The following ADAMTS16 variants were observed in gnomAD, a reference collection of about 807,000 sequenced individuals.
The protein encoded by ADAMTS16 is ADAM metallopeptidase with thrombospondin type 1 motif 16, also known as A disintegrin and metalloproteinase with thrombospondin motifs 16.
A neutral mutation model predicts 145.8 loss-of-function variants in ADAMTS16; 94 were observed. The ratio of observed to expected loss-of-function variants is 0.64; its 90% CI spans 0.55 to 0.77. The LOEUF (loss-of-function observed/expected upper bound fraction) is 0.77, where lower values mean the gene tolerates loss of function less well. Among genes scored for constraint, ADAMTS16 ranks in the 30% least tolerant of loss-of-function variants. The probability of loss-of-function intolerance (pLI) is 0.00; values close to 1 mark genes in which losing one functional copy is unlikely to be tolerated. For missense variants in ADAMTS16, 1,585 were observed against 1,591.5 expected (o/e 1.00, Z 0.07); for synonymous variants, 659 against 604.3 (o/e 1.09, Z -1.33).
chr5:5,247,332 T>A (rs915582884), intron 17 of ADAMTS16, among the ~76,000 whole-genome samples: 1 of 152,084 alleles, frequency 6.6e-6, no homozygotes, highest in Non-Finnish European at 1.5e-5. Flanking sequence ...TAAGTCCCTA[T>A]AAATTACAAA....
chr5:5,144,680 C>T (rs563546675), intron 2 of ADAMTS16, among the ~76,000 whole-genome samples: 11 of 152,268 alleles, frequency 7.2e-5, no homozygotes, highest in South Asian at 2.1e-4. Flanking sequence ...ATATCAGCAG[C>T]GTTTGAAAGA....
chr5:5,173,992 C>G (rs1014522437), intron 3 of ADAMTS16, among the ~76,000 whole-genome samples: 8 of 152,160 alleles, frequency 5.3e-5, no homozygotes, highest in Admixed American at 3.3e-4. Flanking sequence ...AACGTAATTA[C>G]AGTATTATAA....
chr5:5,143,043 C>T, intron 2 of ADAMTS16, among the ~76,000 whole-genome samples: 1 of 152,188 alleles, frequency 6.6e-6, no homozygotes, highest in East Asian at 1.9e-4. Flanking sequence ...ACACCTTATA[C>T]AGAATCTAAC....
Position 5,292,057 on chromosome 5 carries a change from T to C in ADAMTS16, c.2790-11211T>C, listed in dbSNP as rs143856276. 2.0e-4 allele frequency among the ~76,000 whole-genome samples: 30 copies of C among 152,242 alleles called. 1 individual carries two copies. In the East Asian group the frequency reaches 5.8e-3, roughly 29 times the overall value. ...ATTCTGTGGACAGACAGAATGGCCC[T>C]CTCTAATGGAAATGAGGCTCTGGTC... is the stretch of plus-strand genomic sequence containing the variant. On this transcript the variant is annotated intron_variant, in intron 18 of 22. Transcript: ENST00000274181.
intron 21 of ADAMTS16, among the ~76,000 whole-genome samples, chr5:5,314,078 G>T (rs561912864): frequency 7.9e-5 from 12 of 152,238 alleles, no homozygotes; most frequent in South Asian, 2.1e-4. Context: ...GTGGACAGCA[G>T]AGGTGTCTGT....
intron 11 of ADAMTS16, among the ~76,000 whole-genome samples, chr5:5,230,572 T>C (rs1579326904): frequency 6.6e-6 from 1 of 152,220 alleles, no homozygotes; most frequent in Non-Finnish European, 1.5e-5. Flanking sequence ...TATTAAATGT[T>C]GAGGCAGGAC....
intron 19 of ADAMTS16, 32 bp downstream of exon 19, chr5:5,303,501 C>T (rs11134110): frequency 0.34 from 549,402 of 1,605,846 alleles, 98,566 homozygotes; most frequent in East Asian, 0.54. Flanking sequence ...TGGGTGGCAG[C>T]AGGGCCCCTG....
At chr5:5,169,078 A>G (rs1425418565) in intron 3 of ADAMTS16, among the ~76,000 whole-genome samples, 3 of 151,916 alleles carry the variant, frequency 2.0e-5, no homozygotes, top group African/African-American at 7.3e-5. Flanking sequence ...CTGGCTTGGA[A>G]ACTCAGGTTG....
rs933287246 is a variant in ADAMTS16 at position 5,317,845 on chromosome 5, A to G, written c.3412-289A>G. On this transcript the variant is annotated intron_variant, in intron 21 of 22. Coordinates refer to ENST00000274181, the MANE Select transcript of ADAMTS16 (RefSeq NM_139056.4). This position sits in a 1 kb window ranked among gnomAD's most constrained non-coding sequence, Gnocchi z 4.5. The stretch of plus-strand genomic sequence containing the variant: ...CGCTCAAGGCTCAAGGCTGTCTTCT[A>G]TCTGAAAACAGGAAGGGTTCCAGGA... Among the ~76,000 whole-genome samples, 2 of 117,756 alleles carry G rather than the reference A, an allele frequency of 1.7e-5. No homozygotes were observed. The highest frequency in any genetic ancestry group is 4.1e-5 in the Non-Finnish European group (2 of 49,186). The allele number at this position is 117,756 out of a possible 152,430, so 77.3% of individuals were successfully genotyped here. A position where few individuals can be genotyped will look rare whatever the true frequency, so the allele number is the denominator to read the frequency against.
At chr5:5,304,881 G>C (rs1739963621) in intron 20 of ADAMTS16, among the ~76,000 whole-genome samples, 3 of 151,874 alleles carry the variant, frequency 2.0e-5, no homozygotes, top group African/African-American at 4.8e-5. Context: ...GAAAATAAGC[G>C]ATGTGGGCTG....
intron 2 of ADAMTS16, 91 bp downstream of exon 2, chr5:5,140,857 C>T (rs270206): frequency 0.72 from 927,594 of 1,287,530 alleles, 335,032 homozygotes; most frequent in East Asian, 0.83. Context: ...TGAATGTTCA[C>T]GACTCTGTGG....
chr5:5,319,215 G>A lies in ADAMTS16; in HGVS notation c.*77G>A, dbSNP rs970522079. 1.2e-5 allele frequency: 13 copies of A among 1,077,944 alleles called. No individual in the cohort carries two copies. The highest frequency in any genetic ancestry group is 4.7e-5 in the African/African-American group (3 of 64,282). The allele number at this position is 1,077,944 out of a possible 1,614,324, so 66.8% of individuals were successfully genotyped here. ...CCCACAAATGAGCTGTGCAATCTAC[G>A]TCGGAATACATCCAAGGAAGAGCAA... On this transcript the variant is annotated 3_prime_UTR_variant, in exon 23 of 23. Transcript: ENST00000274181.
chr5:5,305,013 CCACACACACA>C (rs746640387), intron 20 of ADAMTS16, among the ~76,000 whole-genome samples: 1 of 71,674 alleles, frequency 1.4e-5, no homozygotes, highest in East Asian at 4.8e-4. Flanking sequence ...ACATCCCACA[CCACACACACA>C]CACACACATC....
chr5:5,261,634 T>C (rs1194392513), intron 17 of ADAMTS16, among the ~76,000 whole-genome samples: 3 of 152,098 alleles, frequency 2.0e-5, no homozygotes, highest in African/African-American at 7.2e-5. Context: ...TACAGGCACG[T>C]GCCACCACGC....
chr5:5,229,745 C>T lies in ADAMTS16; in HGVS notation c.1702-2623C>T, dbSNP rs148246308. Among the ~76,000 whole-genome samples the T allele has an allele frequency of 5.1e-3, 770 of 152,222 alleles. 5 individuals carry two copies. Among genetic ancestry groups the T allele is most frequent in the African/African-American group, 0.017 (711 of 41,520 alleles). On this transcript the variant is annotated intron_variant, in intron 11 of 22. Transcript: ENST00000274181. ...AGAAAAGCATCGTGGTTTTCCTGTA[C>T]GATCTCAAACTCAGGGTACTGAGAT...
In ADAMTS16 at chr5:5,317,381, T is replaced by C. The variant is rs2126540291; in HGVS notation, c.3412-753T>C. ...TATCAGCTTTTTTAATCAGTATACTTACTTACTTACTTACTTATTTATTTA... is the reference window on the plus strand; with the variant it reads ...TATCAGCTTTTTTAATCAGTATACTCACTTACTTACTTACTTATTTATTTA... On this transcript the variant is annotated intron_variant, in intron 21 of 22. Coordinates refer to ENST00000274181, the MANE Select transcript of ADAMTS16 (RefSeq NM_139056.4). The surrounding 1 kb of genome is among the most constrained non-coding windows in gnomAD (Gnocchi z 4.5). Among the ~76,000 whole-genome samples, 2 of 133,046 alleles carry C rather than the reference T, an allele frequency of 1.5e-5. 1 individual carries two copies. Among genetic ancestry groups the C allele is most frequent in the South Asian group, 4.9e-4 (2 of 4,100 alleles). The allele number at this position is 133,046 out of a possible 152,430, so 87.3% of individuals were successfully genotyped here.
chr5:5,159,276 A>T (rs1262306248), intron 3 of ADAMTS16, among the ~76,000 whole-genome samples: 3 of 152,218 alleles, frequency 2.0e-5, no homozygotes, highest in Non-Finnish European at 4.4e-5. Flanking sequence ...TAAATGGAAA[A>T]TATGATGGAA....
intron 4 of ADAMTS16, among the ~76,000 whole-genome samples, chr5:5,184,820 A>G (rs1366166): frequency 0.48 from 73,005 of 151,880 alleles, 18,319 homozygotes; most frequent in South Asian, 0.64. Context: ...CCTGCCCCCA[A>G]TACTGAGGGC....
intron 9 of ADAMTS16, among the ~76,000 whole-genome samples, chr5:5,202,956 C>T (rs1736002459): frequency 6.6e-6 from 1 of 152,068 alleles, no homozygotes; most frequent in South Asian, 2.1e-4. Flanking sequence ...ATAATATAGT[C>T]CTAAGAATGA....
Sources: gnomAD v4.1 joint callset for allele counts (sites outside exome capture counted in the v4.1 genomes callset) on GRCh38, gnomAD v4.1.1 for gene constraint, Gnocchi (gnomAD v3.1) non-coding constraint, MANE v1.5 for transcripts, NCBI Gene and HGNC (gene_info 2026-07-23, HGNC 2026-07-21) for gene names.